NALF1: variants seen among roughly 807,000 people sequenced by gnomAD.
NALF1 encodes the protein NALCN channel auxiliary factor 1, also known as family with sequence similarity 155 member A.
NALF1 carries 3 observed loss-of-function variants against 48.4 expected under a neutral mutation model. That is an observed-to-expected ratio of 0.06 (90% CI 0.03 to 0.16). The LOEUF (loss-of-function observed/expected upper bound fraction) is 0.16, where lower values mean the gene tolerates loss of function less well. NALF1 is among the 10% of genes least tolerant of loss of function. The pLI is 1.00. For synonymous variants in NALF1, 262 were observed against 245.7 expected, an observed-to-expected ratio of 1.07 and a Z score of -0.62; for missense variants, 526 against 571.5, an observed-to-expected ratio of 0.92 and a Z score of 0.81.
intron 1 of NALF1, among the ~76,000 whole-genome samples, chr13:107,246,552 A>G (rs1942655186): frequency 6.6e-6 from 1 of 152,222 alleles, no homozygotes; most frequent in South Asian, 2.1e-4. Context: ...GCCACACAGC[A>G]TTCTCCTGAT....
At chr13:107,338,657 A>G (rs934941447) in intron 1 of NALF1, among the ~76,000 whole-genome samples, 1 of 152,160 alleles carries the variant, frequency 6.6e-6, no homozygotes, top group Non-Finnish European at 1.5e-5. Context: ...AATATTTGCA[A>G]GCTCTTAGGA....
At chr13:107,563,235 T>C (rs981976604) in intron 1 of NALF1, among the ~76,000 whole-genome samples, 2 of 152,226 alleles carry the variant, frequency 1.3e-5, no homozygotes, top group African/African-American at 4.8e-5. Context: ...AGCTCAGCTG[T>C]GGATGACAGT....
chr13:107,201,652 T>C (rs185258110), intron 2 of NALF1, among the ~76,000 whole-genome samples: 58 of 152,352 alleles, frequency 3.8e-4, no homozygotes, highest in South Asian at 1.5e-3. Context: ...ACAGGTCCTA[T>C]CTTGGGACAA....
chr13:107,815,889 T>C (rs143904879), intron 1 of NALF1, among the ~76,000 whole-genome samples: 65 of 152,266 alleles, frequency 4.3e-4, no homozygotes, highest in African/African-American at 1.5e-3. Context: ...GGACCACACA[T>C]ACTGTATCAT....
chr13:107,567,970 T>C (rs1877864622), intron 1 of NALF1, among the ~76,000 whole-genome samples: 1 of 152,210 alleles, frequency 6.6e-6, no homozygotes, highest in Admixed American at 6.5e-5. Flanking sequence ...TGTTCTCTTT[T>C]TATTTATTGT....
intron 1 of NALF1, among the ~76,000 whole-genome samples, chr13:107,356,902 T>C (rs1882972379): frequency 6.6e-6 from 1 of 152,180 alleles, no homozygotes; most frequent in Non-Finnish European, 1.5e-5. Flanking sequence ...GGAAAACAAA[T>C]GTCAACCATA....
chr13:107,534,392 C>A (rs950269994), intron 1 of NALF1, among the ~76,000 whole-genome samples: 4 of 151,900 alleles, frequency 2.6e-5, no homozygotes, highest in Admixed American at 6.6e-5. Flanking sequence ...AAAAAAAGAA[C>A]AAAAGGAGAG....
At chr13:107,581,067 A>G (rs1251508902) in intron 1 of NALF1, among the ~76,000 whole-genome samples, 3 of 152,206 alleles carry the variant, frequency 2.0e-5, no homozygotes, top group African/African-American at 7.2e-5. Flanking sequence ...AACTAAGACT[A>G]GGAAATGATT....
chr13:107,386,843 T>C (rs896171830), intron 1 of NALF1, among the ~76,000 whole-genome samples: 1 of 152,142 alleles, frequency 6.6e-6, no homozygotes, highest in African/African-American at 2.4e-5. Context: ...TATAAGATGA[T>C]GGATATTCCA....
intron 1 of NALF1, among the ~76,000 whole-genome samples, chr13:107,455,863 CT>C (rs34303743): frequency 0.15 from 21,671 of 145,480 alleles, 2,879 homozygotes; most frequent in African/African-American, 0.36. Flanking sequence ...CTCGATAACT[CT>C]TTTTTTTTTT....
At chr13:107,205,681 T>C (rs1419016870) in intron 2 of NALF1, among the ~76,000 whole-genome samples, 1 of 152,220 alleles carries the variant, frequency 6.6e-6, no homozygotes, top group East Asian at 1.9e-4. Context: ...TTTATCTCCA[T>C]TGTCAGTAAC....
intron 1 of NALF1, among the ~76,000 whole-genome samples, chr13:107,445,106 C>A (rs1188532762): frequency 6.6e-6 from 1 of 152,080 alleles, no homozygotes; most frequent in Non-Finnish European, 1.5e-5. Context: ...TTTCCACAAG[C>A]ACCTATGGGT....
chr13:107,531,121 G>T, intron 1 of NALF1: 1 of 164,736 alleles, frequency 6.1e-6, no homozygotes. Flanking sequence ...TTTTAACATA[G>T]CTCTCCAGAA....
At chr13:107,542,028 C>A (rs1214575808) in intron 1 of NALF1, among the ~76,000 whole-genome samples, 1 of 151,908 alleles carries the variant, frequency 6.6e-6, no homozygotes, top group Non-Finnish European at 1.5e-5. Flanking sequence ...CCTGGATGGT[C>A]CCTGAAGGCT....
chr13:107,269,047 C>T (rs115024531), intron 1 of NALF1, among the ~76,000 whole-genome samples: 1,788 of 151,874 alleles, frequency 0.012, 32 homozygotes, highest in African/African-American at 0.039. Context: ...CCTGTGGTCC[C>T]ACGTCCTTGG....
intron 1 of NALF1, among the ~76,000 whole-genome samples, chr13:107,484,781 T>A (rs906082868): frequency 1.3e-5 from 2 of 152,146 alleles, no homozygotes; most frequent in Non-Finnish European, 2.9e-5. Context: ...TGAGAACATC[T>A]CCTTTTATGG....
At position 107,385,278 on chromosome 13, in the gene NALF1, C is replaced by T. The variant is rs553980498; in HGVS notation, c.916-174523G>A. ...TGTCTTAAAAGCGTATCTGGCAGGG[C>T]GCAGTGGCTCACGCCTGTAATCCCA... On this transcript the variant is annotated intron_variant, in intron 1 of 2. Coordinates refer to ENST00000375915, the MANE Select transcript of NALF1 (RefSeq NM_001080396.3). 7.9e-5 allele frequency among the ~76,000 whole-genome samples: 12 copies of T among 152,156 alleles called. No individual in the cohort carries two copies. In the South Asian group the frequency reaches 1.2e-3, roughly 16 times the overall value.
At chr13:107,481,320 A>T (rs1885250656) in intron 1 of NALF1, among the ~76,000 whole-genome samples, 1 of 152,192 alleles carries the variant, frequency 6.6e-6, no homozygotes, top group South Asian at 2.1e-4. Flanking sequence ...AATAAATGAC[A>T]TACTATCTTG....
chr13:107,202,505 T>C (rs901041183), intron 2 of NALF1, among the ~76,000 whole-genome samples: 1 of 152,046 alleles, frequency 6.6e-6, no homozygotes, highest in African/African-American at 2.4e-5. Context: ...TTACCCTTTA[T>C]ACTAATTTAT....
Sources: gnomAD v4.1 joint callset for allele counts (sites outside exome capture counted in the v4.1 genomes callset) on GRCh38, gnomAD v4.1.1 for gene constraint, MANE v1.5 for transcripts, NCBI Gene and HGNC (gene_info 2026-07-23, HGNC 2026-07-21) for gene names.